The following CTNND2 variants were observed in gnomAD, a reference collection of about 807,000 sequenced individuals.
CTNND2 encodes catenin delta 2, also known as catenin delta-2.
In CTNND2, 22 loss-of-function variants were observed where a neutral mutation model predicts 144.4. The ratio of observed to expected loss-of-function variants is 0.15; its 90% confidence interval spans 0.11 to 0.22. The LOEUF (loss-of-function observed/expected upper bound fraction) is 0.22. Ranked by LOEUF, CTNND2 falls within the 10% of genes least tolerant of loss-of-function variation. CTNND2 has a pLI of 1.00. For synonymous variants in CTNND2, 751 were observed against 695.6 expected, an observed-to-expected ratio of 1.08 and a Z score of -1.25; for missense variants, 1,353 against 1,618.8, an observed-to-expected ratio of 0.84 and a Z score of 2.82.
chr5:11,776,270 G>T (rs1244852608), intron 1 of CTNND2, among the ~76,000 whole-genome samples: 1 of 152,078 alleles, frequency 6.6e-6, no homozygotes, highest in Non-Finnish European at 1.5e-5. Context: ...AAGCAGAGGG[G>T]GAGACCTTCC....
At chr5:11,608,624 T>A (rs975934775) in intron 2 of CTNND2, among the ~76,000 whole-genome samples, 4 of 152,258 alleles carry the variant, frequency 2.6e-5, no homozygotes, top group African/African-American at 9.6e-5. Flanking sequence ...CCACTTCACA[T>A]AATCTCTACT....
intron 2 of CTNND2, among the ~76,000 whole-genome samples, chr5:11,646,735 C>G (rs1241661837): frequency 6.6e-6 from 1 of 152,192 alleles, no homozygotes; most frequent in Admixed American, 6.5e-5. Flanking sequence ...CCCTTCCTCT[C>G]TAAGACCCTG....
intron 7 of CTNND2, among the ~76,000 whole-genome samples, chr5:11,367,249 G>C (rs751602400): frequency 3.9e-5 from 6 of 152,100 alleles, no homozygotes; most frequent in Non-Finnish European, 5.9e-5. Context: ...ATTGCTCAAG[G>C]GTGGGCACAG....
chr5:11,526,912 GA>G (rs58647040), intron 3 of CTNND2, among the ~76,000 whole-genome samples: 125,338 of 151,702 alleles, frequency 0.83, 52,048 homozygotes, highest in African/African-American at 0.9. Context: ...AAGTGAAAAA[GA>G]AAATAAAATT....
intron 1 of CTNND2, among the ~76,000 whole-genome samples, chr5:11,777,690 A>G (rs1364605798): frequency 1.3e-5 from 2 of 152,204 alleles, no homozygotes; most frequent in Non-Finnish European, 2.9e-5. Context: ...AACAACAAGC[A>G]TCTCCCTACA....
intron 16 of CTNND2, among the ~76,000 whole-genome samples, chr5:11,079,395 G>A (rs1357007320): frequency 2.0e-5 from 3 of 152,274 alleles, no homozygotes; most frequent in East Asian, 3.9e-4. Flanking sequence ...CTACAGAAAT[G>A]ATATCCCTAA....
At chr5:11,618,365 G>A (rs934379592) in intron 2 of CTNND2, among the ~76,000 whole-genome samples, 3 of 152,172 alleles carry the variant, frequency 2.0e-5, no homozygotes, top group African/African-American at 7.2e-5. Flanking sequence ...CAGTTAGTGA[G>A]ATTAATAAAA....
chr5:11,903,527 T>C lies in CTNND2; in HGVS notation c.37+290A>G. ...GCAGCATTGTCGGTGTTGCCCTAAA[T>C]ACGCTTCCTCCCGGGGAGATGGGTG... On this transcript the variant is annotated intron_variant, in intron 1 of 21. Transcript: ENST00000304623. The surrounding 1 kb of genome is among the most constrained non-coding windows in gnomAD (Gnocchi z 5.4). 1 of 575,714 alleles carries C rather than the reference T, an allele frequency of 1.7e-6. No individual in the cohort carries two copies. Among genetic ancestry groups the C allele is most frequent in the Non-Finnish European group, 2.6e-6 (1 of 389,068 alleles). 35.7% of individuals were successfully genotyped at this position (575,714 alleles called of 1,614,324 possible).
At chr5:11,517,149 T>C (rs923036600) in intron 3 of CTNND2, among the ~76,000 whole-genome samples, 1 of 152,222 alleles carries the variant, frequency 6.6e-6, no homozygotes, top group African/African-American at 2.4e-5. Context: ...ACGTACACAC[T>C]GCTAAATACC....
At chr5:11,475,548 A>C (rs1767644342) in intron 3 of CTNND2, among the ~76,000 whole-genome samples, 1 of 152,220 alleles carries the variant, frequency 6.6e-6, no homozygotes, top group African/African-American at 2.4e-5. Flanking sequence ...TCAAGACAAA[A>C]GGAATATCCA....
At chr5:11,587,529 G>A (rs114757445) in intron 2 of CTNND2, among the ~76,000 whole-genome samples, 3,058 of 151,974 alleles carry the variant, frequency 0.02, 91 homozygotes, top group African/African-American at 0.071. Context: ...ATATGTTTCT[G>A]ATAAAATTAA....
At chr5:11,163,166 A>C (rs1758965403) in intron 11 of CTNND2, among the ~76,000 whole-genome samples, 1 of 152,180 alleles carries the variant, frequency 6.6e-6, no homozygotes, top group African/African-American at 2.4e-5. Context: ...GTGACCAATG[A>C]AACATGGTGG....
intron 1 of CTNND2, among the ~76,000 whole-genome samples, chr5:11,812,453 C>G (rs1792387338): frequency 6.6e-6 from 1 of 152,122 alleles, no homozygotes; most frequent in Admixed American, 6.6e-5. Flanking sequence ...CCAAACTCTC[C>G]CCAGTAACAG....
intron 18 of CTNND2, among the ~76,000 whole-genome samples, chr5:11,017,126 T>C (rs1169863034): frequency 6.6e-6 from 1 of 151,792 alleles, no homozygotes. Flanking sequence ...CTTGCTGGCC[T>C]TGTCACAATA....
At chr5:11,797,786 G>A (rs1168757965) in intron 1 of CTNND2, among the ~76,000 whole-genome samples, 2 of 152,152 alleles carry the variant, frequency 1.3e-5, no homozygotes, top group African/African-American at 4.8e-5. Flanking sequence ...TATATGAATA[G>A]TCTAAATTTG....
chr5:11,374,316 A>G, intron 7 of CTNND2, among the ~76,000 whole-genome samples: 1 of 152,220 alleles, frequency 6.6e-6, no homozygotes, highest in African/African-American at 2.4e-5. Flanking sequence ...TCAGACTTGT[A>G]ACAAAAGTCT....
chr5:11,183,851 G>T (rs963389992), intron 11 of CTNND2, among the ~76,000 whole-genome samples: 1 of 152,042 alleles, frequency 6.6e-6, no homozygotes, highest in African/African-American at 2.4e-5. Context: ...GAGCCACCGC[G>T]CCTGGCCTAG....
chr5:11,081,530 T>G (rs1347807569), intron 16 of CTNND2, among the ~76,000 whole-genome samples: 1 of 152,162 alleles, frequency 6.6e-6, no homozygotes, highest in Non-Finnish European at 1.5e-5. Context: ...AATTCAAAAT[T>G]GGAAATGCTC....
chr5:11,513,690 G>A (rs981126975), intron 3 of CTNND2, among the ~76,000 whole-genome samples: 3 of 151,626 alleles, frequency 2.0e-5, no homozygotes, highest in African/African-American at 7.3e-5. Flanking sequence ...TTGTGCGGCT[G>A]TTAAAAAAAA....
Sources: allele counts gnomAD v4.1 joint callset (sites outside exome capture counted in the v4.1 genomes callset), GRCh38; gene constraint gnomAD v4.1.1; non-coding constraint Gnocchi (gnomAD v3.1); transcripts MANE v1.5; gene names NCBI Gene and HGNC (gene_info 2026-07-23, HGNC 2026-07-21).